STK32C: variants seen among roughly 807,000 people sequenced by gnomAD.
The protein encoded by STK32C is serine/threonine kinase 32C, also known as serine/threonine-protein kinase 32C.
In STK32C, 31 loss-of-function variants were observed where a neutral mutation model predicts 56.5. The ratio of observed to expected loss-of-function variants is 0.55; its 90% confidence interval spans 0.41 to 0.74. STK32C has a LOEUF of 0.74. Ranked by LOEUF, STK32C falls within the 30% of genes least tolerant of loss-of-function variation. The pLI, the probability that STK32C is intolerant of heterozygous loss-of-function variation, is 0.00. For synonymous variants in STK32C, 309 were observed against 289.4 expected, an observed-to-expected ratio of 1.07 and a Z score of -0.69; for missense variants, 544 against 676.9, an observed-to-expected ratio of 0.80 and a Z score of 2.18.
At chr10:132,308,473 G>A (rs576022155), upstream of STK32C, among the ~76,000 whole-genome samples, 2 of 152,206 alleles carry the variant, frequency 1.3e-5, no homozygotes, top group Non-Finnish European at 2.9e-5. Flanking sequence ...GGGTGAGGCC[G>A]GGCTGCAGGC....
At chr10:132,294,735 C>T (rs2065682691) in intron 1 of STK32C, among the ~76,000 whole-genome samples, 1 of 152,160 alleles carries the variant, frequency 6.6e-6, no homozygotes, top group African/African-American at 2.4e-5. Flanking sequence ...AGTGCACCAG[C>T]CCCCGACCCA....
In STK32C at chr10:132,225,555, C is replaced by G; in HGVS notation, c.744G>C (p.Thr248=). 6.2e-7 allele frequency: 1 copy of G among 1,613,866 alleles called. No homozygotes were observed. The highest frequency in any genetic ancestry group is 8.5e-7 in the Non-Finnish European group (1 of 1,180,020). The part of the protein sequence containing the change: ...ATIIKDGERA[T]ALAGTKPYMA... ...TGTACGGCTTGGTGCCTGCTAATGC[C>G]GTCGCCCGCTCCCCGTCCTTGATGA... The change falls in exon 6 of 12, where the codon ACG becomes ACC. Residue 248 remains threonine, a synonymous_variant. Transcript: ENST00000298630.
At chr10:132,292,280 C>T (rs73383270) in intron 1 of STK32C, among the ~76,000 whole-genome samples, 4,250 of 152,312 alleles carry the variant, frequency 0.028, 201 homozygotes, top group African/African-American at 0.096. Flanking sequence ...CCCCCAGGAC[C>T]ATGCGTCAGC....
upstream of STK32C, chr10:132,332,233 C>G (rs1275495339): frequency 6.5e-6 from 1 of 153,684 alleles, no homozygotes; most frequent in Non-Finnish European, 1.4e-5. Context: ...CTCGCCAGCG[C>G]TTCAGTGGGC....
At chr10:132,290,916 G>C (rs1181647502) in intron 1 of STK32C, among the ~76,000 whole-genome samples, 2 of 152,072 alleles carry the variant, frequency 1.3e-5, no homozygotes, top group African/African-American at 4.8e-5. Flanking sequence ...ACCACACCCA[G>C]GGCCACATCC....
intron 1 of STK32C, 104 bp from the exon 2 acceptor site, chr10:132,246,059 C>A: frequency 1.7e-6 from 2 of 1,184,494 alleles, no homozygotes; most frequent in South Asian, 2.5e-5. Context: ...GCCCAGGGCC[C>A]CTCATCCTAG....
At chr10:132,232,294 T>A (rs934552642) in intron 2 of STK32C, among the ~76,000 whole-genome samples, 1 of 152,098 alleles carries the variant, frequency 6.6e-6, no homozygotes, top group Non-Finnish European at 1.5e-5. Context: ...GGGTTTTCCG[T>A]TGAAATGGAT....
chr10:132,264,467 A>T (rs1461891905), intron 1 of STK32C, among the ~76,000 whole-genome samples: 1 of 152,124 alleles, frequency 6.6e-6, no homozygotes, highest in Non-Finnish European at 1.5e-5. Context: ...CTTGAGGAAG[A>T]AAGGGACAGA....
rs576416250 is a variant in STK32C at position 132,297,926 on chromosome 10, A to C, written c.262+9646T>G. On this transcript the variant is annotated intron_variant, in intron 1 of 11. Transcript: ENST00000298630. ...AACAGCCTTCCCTCCAAGCTCTTTCAGTTTCAAAGCTCAGAAGATGCTTTG... is the reference window on the plus strand; with the variant it reads ...AACAGCCTTCCCTCCAAGCTCTTTCCGTTTCAAAGCTCAGAAGATGCTTTG... Among the ~76,000 whole-genome samples, 318 of 152,326 alleles carry C rather than the reference A, an allele frequency of 2.1e-3. 1 individual carries two copies. Among genetic ancestry groups the C allele is most frequent in the African/African-American group, 7.3e-3 (303 of 41,566 alleles).
intron 1 of STK32C, among the ~76,000 whole-genome samples, chr10:132,263,707 A>C (rs1490186281): frequency 6.6e-6 from 1 of 151,544 alleles, no homozygotes; most frequent in African/African-American, 2.4e-5. Context: ...AAAATACAAA[A>C]AAAAAAAAGA....
chr10:132,228,035 C>T lies in STK32C; in HGVS notation c.412G>A (p.Val138Ile), dbSNP rs908109999. 11 of 1,613,838 alleles carry T rather than the reference C, an allele frequency of 6.8e-6. No homozygotes were observed. Among genetic ancestry groups the T allele is most frequent in the Admixed American group, 3.3e-5 (2 of 60,006 alleles). Reference sequence around the variant, plus strand: ...TGCAGGATCTCCAGCTCCCGGAAGACGTTGCGGACCTCGTCGCGCTCGATG... The same window carrying T: ...TGCAGGATCTCCAGCTCCCGGAAGATGTTGCGGACCTCGTCGCGCTCGATG... ...QCIERDEVRNVFRELEILQEI... is the reference protein window; with the variant it reads ...QCIERDEVRNIFRELEILQEI... The change falls in exon 3 of 12, where the codon GTC (valine) becomes ATC (isoleucine). Residue 138 changes from valine (V) to isoleucine (I), a missense_variant. This residue lies in a region of STK32C where 182 missense variants were observed against 217.7 expected (regional missense o/e 0.84). Transcript: ENST00000298630.
intron 1 of STK32C, among the ~76,000 whole-genome samples, chr10:132,250,830 G>A (rs939113427): frequency 1.3e-5 from 2 of 152,240 alleles, no homozygotes; most frequent in African/African-American, 4.8e-5. Context: ...CCAGAGAGGA[G>A]GAAGGTTCCA....
chr10:132,311,370 A>G (rs1023174976), upstream of STK32C, among the ~76,000 whole-genome samples: 1 of 152,228 alleles, frequency 6.6e-6, no homozygotes, highest in Non-Finnish European at 1.5e-5. This position sits in a 1 kb window ranked among gnomAD's most constrained non-coding sequence, Gnocchi z 4.4. Flanking sequence ...ACCTATGTGG[A>G]GAATCCACGG....
intron 7 of STK32C, 132 bp downstream of exon 7, chr10:132,225,101 C>T: frequency 5.9e-6 from 4 of 677,776 alleles, no homozygotes; most frequent in South Asian, 1.9e-5. Flanking sequence ...TCGATAAAAG[C>T]GTGACTCCTC....
Position 132,228,369 on chromosome 10 carries a change from C to A in STK32C, c.319-241G>T, listed in dbSNP as rs142266719. 1.1e-3 allele frequency among the ~76,000 whole-genome samples: 172 copies of A among 152,322 alleles called. 3 individuals are homozygous for A. In the East Asian group the frequency reaches 0.03, roughly 26 times the overall value. On this transcript the variant is annotated intron_variant, in intron 2 of 11. Transcript: ENST00000298630. ...TTTTGGAGGCCGTGATTCTGCCCCC[C>A]AGAGGTTCCTGTACTGGTTAGTGTG...
intron 2 of STK32C, among the ~76,000 whole-genome samples, chr10:132,236,019 G>A (rs567456552): frequency 6.6e-6 from 1 of 152,204 alleles, no homozygotes; most frequent in Non-Finnish European, 1.5e-5. Context: ...GATTGGTGTC[G>A]CGTCGGTCCC....
chr10:132,292,396 ACT>A (rs2065594610), intron 1 of STK32C, among the ~76,000 whole-genome samples: 2 of 151,834 alleles, frequency 1.3e-5, no homozygotes, highest in African/African-American at 4.8e-5. Flanking sequence ...TGATACCCAC[ACT>A]CTCTCACCCA....
At chr10:132,283,689 G>A (rs1036778311) in intron 1 of STK32C, among the ~76,000 whole-genome samples, 16 of 152,272 alleles carry the variant, frequency 1.1e-4, no homozygotes, top group African/African-American at 3.4e-4. Context: ...GAGAGGCCGC[G>A]GGCTGTCATG....
intron 1 of STK32C, among the ~76,000 whole-genome samples, chr10:132,289,705 T>G (rs1430725128): frequency 6.6e-6 from 1 of 152,138 alleles, no homozygotes; most frequent in South Asian, 2.1e-4. Context: ...TCTCACAGGG[T>G]AGAAAGGTGG....
Sources: allele counts gnomAD v4.1 joint callset (sites outside exome capture counted in the v4.1 genomes callset), GRCh38; gene constraint gnomAD v4.1.1; regional missense constraint gnomAD v4.1.1; non-coding constraint Gnocchi (gnomAD v3.1); transcripts MANE v1.5; gene names NCBI Gene and HGNC (gene_info 2026-07-23, HGNC 2026-07-21).